Variants in NUDT5 observed in about 807,000 individuals in gnomAD.
The protein encoded by NUDT5 is ADP-sugar pyrophosphatase.
NUDT5 carries 21 observed loss-of-function variants against 34.1 expected under a neutral mutation model. That is an observed-to-expected ratio of 0.62 (90% CI 0.44 to 0.89). The LOEUF (loss-of-function observed/expected upper bound fraction) is 0.89. NUDT5 is among the 40% of genes least tolerant of loss of function. The pLI is 0.00. For missense variants in NUDT5, 249 were observed against 274.8 expected (o/e 0.91, Z 0.66); for synonymous variants, 85 against 97.6 (o/e 0.87, Z 0.76).
rs773895881 is a variant in NUDT5, at chr10:12,170,781, A to G, written c.497-11T>C. 1.2e-6 allele frequency: 2 copies of G among 1,614,024 alleles called. No homozygotes were observed. The highest frequency in any genetic ancestry group is 1.7e-5 in the Admixed American group (1 of 60,010). On this transcript the variant is annotated splice_polypyrimidine_tract_variant and intron_variant, in intron 8 of 9. Transcript: ENST00000491614. This position sits in a 1 kb window ranked among gnomAD's most constrained non-coding sequence, Gnocchi z 4.9. The stretch of plus-strand genomic sequence containing the variant: ...TGACTTCCACAAACTCTAAACAGAC[A>G]AAGTGCAAGTGAAAACAAAGCTAAC...
At position 12,177,663 on chromosome 10, in the gene NUDT5, G is replaced by A. The variant is rs115778559; in HGVS notation, c.289+130C>T. On this transcript the variant is annotated intron_variant, in intron 5 of 9. Coordinates refer to ENST00000491614, the MANE Select transcript of NUDT5 (RefSeq NM_014142.4). ...TGGGGGCCTGGAGGAGCCTCGCTACGAAATGGTTTAGTTTTACTTAAAACC... is the reference window on the plus strand; with the variant it reads ...TGGGGGCCTGGAGGAGCCTCGCTACAAAATGGTTTAGTTTTACTTAAAACC... The A allele has an allele frequency of 6.9e-3, 4,769 of 691,918 alleles. 160 individuals are homozygous for A. In the African/African-American group the frequency reaches 0.072, roughly 10 times the overall value. 42.9% of individuals were successfully genotyped at this position (691,918 alleles called of 1,614,324 possible).
At position 12,179,107 on chromosome 10, in the gene NUDT5, T is replaced by C. The variant is rs1192542981; in HGVS notation, c.157A>G (p.Thr53Ala). 1 of 1,614,162 alleles carries C rather than the reference T, an allele frequency of 6.2e-7. No individual in the cohort carries two copies. The highest frequency in any genetic ancestry group is 1.7e-5 in the Admixed American group (1 of 60,020). Residue 53 changes from threonine to alanine, a missense_variant, in exon 4 of 10, where the codon ACC becomes GCC. Thr to Ala is a moderately conservative substitution (Grantham distance 58, BLOSUM62 0). Transcript: ENST00000491614. ...CCATCCGCAGTCTGCTCTTTCCTGG[T>C]TGTACGTTTCACTGATTCCCAAGTT... ...TRTWESVKRT[T>A]RKEQTADGVA...
At position 12,166,446 on chromosome 10, in the gene NUDT5, T is replaced by G. The variant is rs1394612046; in HGVS notation, c.*1256A>C. ...GGGCTAGACAGCTTCATCTGTAAAG[T>G]TCTGTATTTCCATAATTGTTTTATC... On this transcript the variant is annotated 3_prime_UTR_variant, in exon 10 of 10. Transcript: ENST00000491614. The G allele has an allele frequency of 4.3e-6, 1 of 233,932 alleles. No homozygotes were observed. 14.5% of individuals were successfully genotyped at this position (233,932 alleles called of 1,614,324 possible).
chr10:12,189,410 A>G (rs529556268), intron 1 of NUDT5, among the ~76,000 whole-genome samples: 1 of 152,288 alleles, frequency 6.6e-6, no homozygotes, highest in South Asian at 2.1e-4. Flanking sequence ...CTGGCCGCTA[A>G]AAGAGAGTAT....
Position 12,175,090 on chromosome 10 carries a change from C to T in NUDT5, c.290-1277G>A, listed in dbSNP as rs1178088397. 6.6e-6 allele frequency among the ~76,000 whole-genome samples: 1 copy of T among 152,110 alleles called. No homozygotes were observed. The highest frequency in any genetic ancestry group is 2.4e-5 in the African/African-American group (1 of 41,414). ...ACCCCAGCACTTTGGGAGGCCGAGG[C>T]GGGCAGATCACCTGAGGTCAGGGGT... On this transcript the variant is annotated intron_variant, in intron 5 of 9. Transcript: ENST00000491614. The surrounding 1 kb of genome is among the most constrained non-coding windows in gnomAD (Gnocchi z 4.8).
At position 12,171,243 on chromosome 10, in the gene NUDT5, A is replaced by G. The variant is rs1227527450; in HGVS notation, c.488-335T>C. Among the ~76,000 whole-genome samples the G allele has an allele frequency of 6.6e-6, 1 of 152,236 alleles. No homozygotes were observed. The highest frequency in any genetic ancestry group is 1.5e-5 in the Non-Finnish European group (1 of 68,042). ...CATTAAATAACATTCAAAAAGGTGC[A>G]CAACCACCACCAGTATCCATCTCCA... On this transcript the variant is annotated intron_variant, in intron 7 of 9. Coordinates refer to ENST00000491614, the MANE Select transcript of NUDT5 (RefSeq NM_014142.4). This position sits in a 1 kb window ranked among gnomAD's most constrained non-coding sequence, Gnocchi z 4.2.
chr10:12,183,119 CTG>C (rs1334807635), intron 3 of NUDT5, among the ~76,000 whole-genome samples: 2 of 152,246 alleles, frequency 1.3e-5, no homozygotes, highest in Non-Finnish European at 1.5e-5. Context: ...GAGAACCAAA[CTG>C]TATCACTATA....
intron 1 of NUDT5, among the ~76,000 whole-genome samples, chr10:12,188,478 A>T (rs567023394): frequency 6.6e-6 from 1 of 152,198 alleles, no homozygotes; most frequent in Admixed American, 6.5e-5. Context: ...CACGCCTACA[A>T]TCCCAGCACT....
Position 12,183,723 on chromosome 10 carries a change from AG to A in NUDT5, c.131+1165del, listed in dbSNP as rs1312145275. On this transcript the variant is annotated intron_variant, in intron 3 of 9. Coordinates refer to ENST00000491614, the MANE Select transcript of NUDT5 (RefSeq NM_014142.4). ...AAAAATCTGGAAAGTAAAAGAAAAA[AG>A]GTTAACCACACAGCTTTTTTCCCAT... Among the ~76,000 whole-genome samples the A allele has an allele frequency of 3.3e-5, 5 of 152,340 alleles. No individual in the cohort carries two copies. In the South Asian group the frequency reaches 6.2e-4, roughly 19 times the overall value.
chr10:12,192,434 C>G lies in NUDT5; in HGVS notation c.-42+3336G>C, dbSNP rs182874898. Among the ~76,000 whole-genome samples, 115 of 152,244 alleles carry G rather than the reference C, an allele frequency of 7.6e-4. 1 individual carries two copies. Among genetic ancestry groups the G allele is most frequent in the Middle Eastern group, 6.8e-3 (2 of 294 alleles). On this transcript the variant is annotated intron_variant, in intron 1 of 9. Coordinates refer to ENST00000491614, the MANE Select transcript of NUDT5 (RefSeq NM_014142.4). ...AATTGGGCATGTCTAAAGTGGCAAT[C>G]TACATTCTGGCAGAATAATTACAAA...
In NUDT5 at chr10:12,179,137, T is replaced by G; in HGVS notation, c.132-5A>C. 6.2e-7 allele frequency: 1 copy of G among 1,613,354 alleles called. No homozygotes were observed. Among genetic ancestry groups the G allele is most frequent in the Non-Finnish European group, 8.5e-7 (1 of 1,179,742 alleles). On this transcript the variant is annotated splice_polypyrimidine_tract_variant and splice_region_variant and intron_variant, in intron 3 of 9. Transcript: ENST00000491614. ...CGTTTCACTGATTCCCAAGTTCTGT[T>G]CAGGCAGAGAAGAAAAAAAAGTCAT...
chr10:12,168,534 C>T lies in NUDT5; in HGVS notation c.551-723G>A, dbSNP rs1834768588. ...TGTGCATGTTAGGACTGGAGATCTA[C>T]TACCAAGAATGCGGTCTCAGGACCT... On this transcript the variant is annotated intron_variant, in intron 9 of 9. Coordinates refer to ENST00000491614, the MANE Select transcript of NUDT5 (RefSeq NM_014142.4). This position sits in a 1 kb window ranked among gnomAD's most constrained non-coding sequence, Gnocchi z 4.8. Among the ~76,000 whole-genome samples the T allele has an allele frequency of 6.6e-6, 1 of 151,732 alleles. No homozygotes were observed.
Position 12,169,338 on chromosome 10 carries a change from C to G in NUDT5, c.550+1379G>C. 1 of 1,541,018 alleles carries G rather than the reference C, an allele frequency of 6.5e-7. No homozygotes were observed. The highest frequency in any genetic ancestry group is 8.8e-7 in the Non-Finnish European group (1 of 1,137,708). ...ATACTCTTCTACTAAAAGATAACCC[C>G]GCACGGCATTTCACACTTGCCTACG... On this transcript the variant is annotated intron_variant, in intron 9 of 9. Coordinates refer to ENST00000491614, the MANE Select transcript of NUDT5 (RefSeq NM_014142.4). The surrounding 1 kb of genome is among the most constrained non-coding windows in gnomAD (Gnocchi z 4.8).
At chr10:12,192,211 G>C (rs1238458321) in intron 1 of NUDT5, among the ~76,000 whole-genome samples, 2 of 152,050 alleles carry the variant, frequency 1.3e-5, no homozygotes, top group African/African-American at 4.8e-5. Flanking sequence ...AGCTGAGGCA[G>C]GAGAATCGCT....
At chr10:12,192,576 G>C (rs955615485) in intron 1 of NUDT5, among the ~76,000 whole-genome samples, 1 of 151,994 alleles carries the variant, frequency 6.6e-6, no homozygotes, top group East Asian at 1.9e-4. Context: ...TATTCTGGCC[G>C]GGCTCGGTGG....
In NUDT5 at chr10:12,166,122, T is replaced by C. The variant is rs746427959; in HGVS notation, c.*1580A>G. 6.6e-6 allele frequency: 1 copy of C among 152,270 alleles called. No homozygotes were observed. Among genetic ancestry groups the C allele is most frequent in the Non-Finnish European group, 1.5e-5 (1 of 68,052 alleles). The allele number at this position is 152,270 out of a possible 1,614,324, so 9.4% of individuals were successfully genotyped here. On this transcript the variant is annotated 3_prime_UTR_variant, in exon 10 of 10. Coordinates refer to ENST00000491614, the MANE Select transcript of NUDT5 (RefSeq NM_014142.4). ...CATTCTAGGATTTGGCTCTGACTTC[T>C]AAGTTGCACTCTTAGGAAGAAGGAG...
Position 12,170,458 on chromosome 10 carries a change from C to T in NUDT5, c.550+259G>A. On this transcript the variant is annotated intron_variant, in intron 9 of 9. Transcript: ENST00000491614. This position sits in a 1 kb window ranked among gnomAD's most constrained non-coding sequence, Gnocchi z 4.9. ...CGTTTTGGCTACTCAGCAGGAATGT[C>T]ATCTGGGCCATTCTGTAGGAGAAAA... is the stretch of plus-strand genomic sequence containing the variant. 1.6e-6 allele frequency: 1 copy of T among 615,224 alleles called. No individual in the cohort carries two copies. Among genetic ancestry groups the T allele is most frequent in the Admixed American group, 2.9e-5 (1 of 34,028 alleles). The allele number at this position is 615,224 out of a possible 1,614,324, so 38.1% of individuals were successfully genotyped here.
chr10:12,167,435 G>A lies in NUDT5; in HGVS notation c.*267C>T, dbSNP rs1403607974. 5.6e-6 allele frequency: 2 copies of A among 356,954 alleles called. No individual in the cohort carries two copies. Among genetic ancestry groups the A allele is most frequent in the East Asian group, 7.0e-5 (1 of 14,330 alleles). 22.1% of individuals were successfully genotyped at this position (356,954 alleles called of 1,614,324 possible). ...GGACTAGAAAAGTAACTGAGCTGTA[G>A]TTAACTGCTGTTGAGCTTTAAAAAA... On this transcript the variant is annotated 3_prime_UTR_variant, in exon 10 of 10. Transcript: ENST00000491614.
chr10:12,176,347 T>C (rs550373337), intron 5 of NUDT5, among the ~76,000 whole-genome samples: 1 of 152,336 alleles, frequency 6.6e-6, no homozygotes, highest in Admixed American at 6.5e-5. Context: ...TTTAGGCCTG[T>C]AATCCCAGCA....
Sources: allele counts gnomAD v4.1 joint callset (sites outside exome capture counted in the v4.1 genomes callset), GRCh38; gene constraint gnomAD v4.1.1; non-coding constraint Gnocchi (gnomAD v3.1); transcripts MANE v1.5; gene names NCBI Gene and HGNC (gene_info 2026-07-23, HGNC 2026-07-21).